Variants in ANKS1B observed in about 807,000 individuals in gnomAD.
The protein encoded by ANKS1B is ankyrin repeat and sterile alpha motif domain-containing protein 1B.
In ANKS1B, 36 loss-of-function variants were observed where a neutral mutation model predicts 148.3. That is an observed-to-expected ratio of 0.24 (90% CI 0.19 to 0.32). The LOEUF (loss-of-function observed/expected upper bound fraction) is 0.32. ANKS1B is among the 10% of genes least tolerant of loss of function. The pLI, the probability that ANKS1B is intolerant of heterozygous loss-of-function variation, is 1.00. For missense variants in ANKS1B, 1,157 were observed against 1,542.6 expected, an observed-to-expected ratio of 0.75 and a Z score of 4.19; for synonymous variants, 542 against 560.8, an observed-to-expected ratio of 0.97 and a Z score of 0.47.
At chr12:99,552,863 A>G (rs1160770937) in intron 9 of ANKS1B, among the ~76,000 whole-genome samples, 1 of 152,218 alleles carries the variant, frequency 6.6e-6, no homozygotes, top group Non-Finnish European at 1.5e-5. Flanking sequence ...TGTAAATGCC[A>G]TGTAACTAGT....
intron 15 of ANKS1B, among the ~76,000 whole-genome samples, chr12:99,111,513 A>C (rs1319469049): frequency 6.6e-6 from 1 of 151,954 alleles, no homozygotes; most frequent in Non-Finnish European, 1.5e-5. Context: ...ACTATTATAT[A>C]AGCTAATGTG....
intron 20 of ANKS1B, 35 bp downstream of exon 20, chr12:98,807,809 G>A (rs761678743): frequency 8.2e-6 from 13 of 1,589,888 alleles, no homozygotes; most frequent in Non-Finnish European, 1.0e-5. Context: ...CATAGCGCAA[G>A]TTCAGGAGAA....
intron 17 of ANKS1B, among the ~76,000 whole-genome samples, chr12:98,891,944 T>C (rs1350999234): frequency 2.0e-5 from 3 of 152,200 alleles, no homozygotes; most frequent in African/African-American, 7.2e-5. Flanking sequence ...ATTAACCAAG[T>C]CTAAGTTACT....
At chr12:98,917,887 C>T (rs1222369163) in intron 17 of ANKS1B, among the ~76,000 whole-genome samples, 4 of 152,196 alleles carry the variant, frequency 2.6e-5, no homozygotes, top group Admixed American at 1.3e-4. Flanking sequence ...CTTTTGAGAA[C>T]TCAGTCTTTA....
chr12:99,651,301 T>G (rs2098417620), intron 9 of ANKS1B, among the ~76,000 whole-genome samples: 1 of 152,198 alleles, frequency 6.6e-6, no homozygotes, highest in African/African-American at 2.4e-5. Context: ...GTTACATTAC[T>G]GAGAAATCAC....
intron 1 of ANKS1B, among the ~76,000 whole-genome samples, chr12:99,959,227 A>ATTTTTTTTTTTTTTTTTTTTTTTT: frequency 1.0e-5 from 1 of 99,896 alleles, no homozygotes; most frequent in African/African-American, 4.1e-5. Context: ...CACCCAGTTA[A>ATTTTTTTTTTTTTTTTTTTTTTTT]TTTTTTTTTT....
At chr12:99,467,311 T>C (rs916919546) in intron 10 of ANKS1B, among the ~76,000 whole-genome samples, 6 of 152,302 alleles carry the variant, frequency 3.9e-5, no homozygotes, top group Admixed American at 2.0e-4. Flanking sequence ...GAGCTAACTA[T>C]GACAAACCCA....
chr12:99,625,251 G>A (rs2098099826), intron 9 of ANKS1B, among the ~76,000 whole-genome samples: 1 of 152,002 alleles, frequency 6.6e-6, no homozygotes, highest in African/African-American at 2.4e-5. Flanking sequence ...AAGGAGAGAG[G>A]TGGGTAAAGG....
intron 12 of ANKS1B, among the ~76,000 whole-genome samples, chr12:99,319,616 T>C (rs1250266622): frequency 6.6e-6 from 1 of 151,750 alleles, no homozygotes; most frequent in African/African-American, 2.4e-5. Context: ...CTGATGGTTC[T>C]TGAGTCTTTA....
intron 10 of ANKS1B, among the ~76,000 whole-genome samples, chr12:99,488,418 C>A (rs541925657): frequency 6.6e-6 from 1 of 151,916 alleles, no homozygotes; most frequent in South Asian, 2.1e-4. Context: ...TTCTTTTAGT[C>A]TTCATTATTG....
At chr12:99,261,273 A>C (rs1211546224) in intron 12 of ANKS1B, among the ~76,000 whole-genome samples, 1 of 152,030 alleles carries the variant, frequency 6.6e-6, no homozygotes, top group East Asian at 1.9e-4. Context: ...ACAGATTATC[A>C]CCTCTTGGAT....
At chr12:98,892,769 A>G (rs982658403) in intron 17 of ANKS1B, among the ~76,000 whole-genome samples, 2 of 152,214 alleles carry the variant, frequency 1.3e-5, no homozygotes, top group African/African-American at 4.8e-5. Context: ...TTTAATGGAG[A>G]TTTGATCTCC....
chr12:99,114,684 G>A (rs920848699), intron 15 of ANKS1B, among the ~76,000 whole-genome samples: 2 of 152,042 alleles, frequency 1.3e-5, no homozygotes, highest in Non-Finnish European at 2.9e-5. Flanking sequence ...CCTGGGAGAT[G>A]GAGGTTGCAG....
At position 99,836,443 on chromosome 12, in the gene ANKS1B, G is replaced by A. The variant is rs116365367; in HGVS notation, c.135-11054C>T. ...AAATCGTACTAACTAAACATTTTCT[G>A]ATGAATAATGTGCACCTTGAATTAC... is the stretch of plus-strand genomic sequence containing the variant. On this transcript the variant is annotated intron_variant, in intron 1 of 26. Coordinates refer to ENST00000683438, the MANE Select transcript of ANKS1B (RefSeq NM_001352186.2). Among the ~76,000 whole-genome samples, 1,204 of 152,182 alleles carry A rather than the reference G, an allele frequency of 7.9e-3. 16 individuals carry two copies. Among genetic ancestry groups the A allele is most frequent in the African/African-American group, 0.027 (1,134 of 41,526 alleles).
intron 8 of ANKS1B, among the ~76,000 whole-genome samples, chr12:99,719,576 C>G (rs990402207): frequency 6.6e-6 from 1 of 152,144 alleles, no homozygotes; most frequent in African/African-American, 2.4e-5. Context: ...GCTCTGCCCC[C>G]CTCCACTACC....
chr12:99,492,223 A>G (rs2096562444), intron 10 of ANKS1B, among the ~76,000 whole-genome samples: 1 of 152,192 alleles, frequency 6.6e-6, no homozygotes, highest in African/African-American at 2.4e-5. Context: ...AGAGGATGTT[A>G]CCACTGACCC....
intron 14 of ANKS1B, among the ~76,000 whole-genome samples, chr12:99,188,072 C>A (rs1028445509): frequency 6.6e-5 from 10 of 151,086 alleles, no homozygotes; most frequent in Non-Finnish European, 1.3e-4. Flanking sequence ...AGACTTTAAA[C>A]CAACAAAGAT....
rs58039801 is a variant in ANKS1B at position 99,505,072 on chromosome 12, C to T, written c.1273-431G>A. Reference sequence around the variant, plus strand: ...AAAAGGCTGGTGGGAAAAAATTTTTCCCCAAGGAAGAAGCATATAAGGAGG... The same window carrying T: ...AAAAGGCTGGTGGGAAAAAATTTTTTCCCAAGGAAGAAGCATATAAGGAGG... On this transcript the variant is annotated intron_variant, in intron 9 of 26. Coordinates refer to ENST00000683438, the MANE Select transcript of ANKS1B (RefSeq NM_001352186.2). 5.4e-3 allele frequency among the ~76,000 whole-genome samples: 814 copies of T among 152,092 alleles called. 43 individuals are homozygous for T. The East Asian group carries it at 0.12, about 22-fold the overall frequency.
intron 1 of ANKS1B, among the ~76,000 whole-genome samples, chr12:99,869,874 T>G (rs1411844857): frequency 2.0e-5 from 3 of 152,282 alleles, no homozygotes; most frequent in Admixed American, 6.5e-5. Context: ...AATGAATAAC[T>G]CATGACCTTT....
Sources: allele counts gnomAD v4.1 joint callset (sites outside exome capture counted in the v4.1 genomes callset), GRCh38; gene constraint gnomAD v4.1.1; transcripts MANE v1.5; gene names NCBI Gene and HGNC (gene_info 2026-07-23, HGNC 2026-07-21).